Variants in NTRK3 observed in about 807,000 individuals in gnomAD.
NTRK3 encodes NT-3 growth factor receptor.
Under a neutral mutation model 91.7 loss-of-function variants are expected in NTRK3, and 24 were observed. The observed-to-expected ratio is 0.26, with a 90% CI of 0.19 to 0.37. The LOEUF (loss-of-function observed/expected upper bound fraction) is 0.37. NTRK3 is among the 10% of genes least tolerant of loss of function. The pLI, the probability that NTRK3 is intolerant of heterozygous loss-of-function variation, is 1.00. For synonymous variants in NTRK3, 483 were observed against 404.0 expected, an observed-to-expected ratio of 1.20 and a Z score of -2.34; for missense variants, 880 against 1,068.9, an observed-to-expected ratio of 0.82 and a Z score of 2.46.
chr15:88,133,563 C>T (rs56224969), intron 10 of NTRK3, among the ~76,000 whole-genome samples: 34,252 of 152,160 alleles, frequency 0.23, 4,009 homozygotes, highest in Non-Finnish European at 0.26. Flanking sequence ...TCTTTAAAAA[C>T]AGAATTTATT....
At chr15:88,135,141 G>T in exon 10 of NTRK3, 1 of 1,614,260 alleles carries the variant, frequency 6.2e-7, no homozygotes, top group Non-Finnish European at 8.5e-7. Flanking sequence ...TGATGGTCTG[G>T]TTGGCTGTGC....
rs150229875 is a variant in NTRK3, at chr15:88,208,441, C to T, written c.249-24142G>A. On this transcript the variant is annotated intron_variant, in intron 3 of 18. Coordinates refer to ENST00000394480, the Ensembl canonical transcript of NTRK3. ...TTGACATTTGCATGATGCTACATCA[C>T]TGTGTCTCAGGCTATAAAGTGCATG... Among the ~76,000 whole-genome samples, 328 of 152,298 alleles carry T rather than the reference C, an allele frequency of 2.2e-3. 6 individuals are homozygous for T. Among genetic ancestry groups the T allele is most frequent in the East Asian group, 0.019 (97 of 5,162 alleles).
At chr15:88,082,934 G>A (rs1463283476) in intron 13 of NTRK3, among the ~76,000 whole-genome samples, 1 of 152,180 alleles carries the variant, frequency 6.6e-6, no homozygotes. Context: ...CTTACTCAGG[G>A]TTTCTCCAAA....
chr15:88,113,877 AAT>A (rs2051733336), intron 13 of NTRK3, among the ~76,000 whole-genome samples: 2 of 152,184 alleles, frequency 1.3e-5, no homozygotes, highest in Non-Finnish European at 2.9e-5. Context: ...TGATCTACAC[AAT>A]AGTTTCTCAA....
intron 14 of NTRK3, among the ~76,000 whole-genome samples, chr15:88,001,404 T>A (rs1236874644): frequency 6.6e-6 from 1 of 152,148 alleles, no homozygotes; most frequent in East Asian, 1.9e-4. Context: ...ATATAAGAAA[T>A]CATTACCTAA....
Position 87,933,022 on chromosome 15 carries a change from T to C in NTRK3, c.1879A>G (p.Lys627Glu), listed in dbSNP as rs1213114061. Residue 627 changes from lysine to glutamate, a missense_variant, in exon 16 of 19, where the codon AAG becomes GAG. Transcript: ENST00000394480. Reference sequence around the variant, plus strand: ...ACAATCCTTGCTTACCTGAGGAACTTATTCAGGTCTCCATGCTTCATGTAT... The same window carrying C: ...ACAATCCTTGCTTACCTGAGGAACTCATTCAGGTCTCCATGCTTCATGTAT... 4 of 1,613,970 alleles carry C rather than the reference T, an allele frequency of 2.5e-6. No homozygotes were observed. In the African/African-American group the frequency reaches 5.3e-5, roughly 22 times the overall value.
intron 13 of NTRK3, among the ~76,000 whole-genome samples, chr15:88,109,497 G>T (rs998433768): frequency 5.3e-5 from 8 of 152,196 alleles, no homozygotes; most frequent in Admixed American, 2.0e-4. Context: ...ATGGAAACAT[G>T]AAAGTGAAGC....
chr15:88,223,379 C>T (rs748826719), intron 3 of NTRK3, among the ~76,000 whole-genome samples: 18 of 152,346 alleles, frequency 1.2e-4, no homozygotes, highest in Non-Finnish European at 2.4e-4. Flanking sequence ...CCCCAGAGCC[C>T]CTCTCTGCCC....
chr15:88,015,065 G>A (rs1489530987), intron 14 of NTRK3, among the ~76,000 whole-genome samples: 1 of 152,172 alleles, frequency 6.6e-6, no homozygotes, highest in African/African-American at 2.4e-5. Flanking sequence ...GGTATATTCA[G>A]TGAGTGTTTC....
intron 10 of NTRK3, among the ~76,000 whole-genome samples, chr15:88,133,213 A>G (rs181295783): frequency 3.2e-3 from 486 of 152,300 alleles, no homozygotes; most frequent in Non-Finnish European, 5.2e-3. Flanking sequence ...AAGGGTATCC[A>G]GAGACTAACA....
intron 5 of NTRK3, among the ~76,000 whole-genome samples, chr15:88,161,472 T>C (rs747402364): frequency 6.6e-6 from 1 of 152,152 alleles, no homozygotes; most frequent in Non-Finnish European, 1.5e-5. Context: ...CTACGATTCT[T>C]AGGTAAAATT....
intron 13 of NTRK3, among the ~76,000 whole-genome samples, chr15:88,111,742 T>G (rs1447252890): frequency 6.6e-6 from 1 of 152,170 alleles, no homozygotes; most frequent in East Asian, 1.9e-4. Flanking sequence ...AGTTTTCTCA[T>G]GTGTGAAAAA....
chr15:87,959,436 C>A lies in NTRK3; in HGVS notation c.1586-18683G>T, dbSNP rs571201038. ...TCAAGCGAGAGCTGGAGATCCAGCA[C>A]CAACTGAGATGGCTGCAGCTTCAGC... On this transcript the variant is annotated intron_variant, in intron 14 of 18. Coordinates refer to ENST00000394480, the Ensembl canonical transcript of NTRK3. 2.0e-5 allele frequency among the ~76,000 whole-genome samples: 3 copies of A among 152,294 alleles called. No homozygotes were observed. The East Asian group carries it at 5.8e-4, about 29-fold the overall frequency.
intron 3 of NTRK3, among the ~76,000 whole-genome samples, chr15:88,219,985 C>G (rs2050104282): frequency 1.3e-5 from 2 of 152,170 alleles, no homozygotes; most frequent in African/African-American, 4.8e-5. Flanking sequence ...GCTAGCCCAG[C>G]CAAAGATGCA....
In NTRK3 at chr15:87,932,996, G is replaced by A; in HGVS notation, c.1889+16C>T. 1 of 1,613,758 alleles carries A rather than the reference G, an allele frequency of 6.2e-7. No individual in the cohort carries two copies. The highest frequency in any genetic ancestry group is 8.5e-7 in the Non-Finnish European group (1 of 1,179,948). ...GGGACTGGGGTCAGGTGCAGGGGAA[G>A]ACAATCCTTGCTTACCTGAGGAACT... On this transcript the variant is annotated intron_variant, in intron 16 of 18. Transcript: ENST00000394480.
chr15:87,979,246 A>G (rs898719953), intron 14 of NTRK3: 1 of 909,928 alleles, frequency 1.1e-6, no homozygotes. Context: ...TCTACTTAGC[A>G]TCCCTGGATC....
At chr15:88,004,541 T>C (rs1214583338) in intron 14 of NTRK3, among the ~76,000 whole-genome samples, 2 of 151,988 alleles carry the variant, frequency 1.3e-5, no homozygotes, top group African/African-American at 2.4e-5. Flanking sequence ...TACCAACATG[T>C]TGCCAAGCAT....
At chr15:88,005,688 G>A (rs905897223) in intron 14 of NTRK3, among the ~76,000 whole-genome samples, 1 of 152,104 alleles carries the variant, frequency 6.6e-6, no homozygotes, top group African/African-American at 2.4e-5. Context: ...CCAGAGCACA[G>A]AAAAAGGTGC....
chr15:88,183,537 A>T, intron 4 of NTRK3, 48 bp from the exon 5 acceptor site: 2 of 1,549,338 alleles, frequency 1.3e-6, no homozygotes, highest in Non-Finnish European at 1.8e-6. Context: ...TGGCAGAGGG[A>T]TATCTGCTCT....
Sources: allele counts gnomAD v4.1 joint callset (sites outside exome capture counted in the v4.1 genomes callset), GRCh38; gene constraint gnomAD v4.1.1; transcripts MANE v1.5; gene names NCBI Gene and HGNC (gene_info 2026-07-23, HGNC 2026-07-21).